The following AR variants were observed in gnomAD, a reference collection of about 807,000 sequenced individuals.
AR encodes dihydrotestosterone receptor.
AR carries 8 observed loss-of-function variants against 53.9 expected under a neutral mutation model. The observed-to-expected ratio is 0.15, with a 90% CI of 0.09 to 0.27. The LOEUF (loss-of-function observed/expected upper bound fraction) is 0.27, where lower values mean the gene tolerates loss of function less well. Ranked by LOEUF, AR falls within the 10% of genes least tolerant of loss-of-function variation. The pLI is 1.00. For synonymous variants in AR, 359 were observed against 316.4 expected (o/e 1.13, Z -1.43); for missense variants, 639 against 742.5 (o/e 0.86, Z 1.62).
intron 1 of AR, chrX:67,569,155 T>A (rs1921693541): frequency 5.5e-6 from 3 of 546,504 alleles, no homozygotes; most frequent in South Asian, 7.4e-5. Flanking sequence ...TGCTTGAATA[T>A]CTTAGCATGT....
At chrX:67,560,899 G>A (rs188941891) in intron 1 of AR, among the ~76,000 whole-genome samples, 413 of 112,091 alleles carry the variant, frequency 3.7e-3, no homozygotes, top group Middle Eastern at 9.4e-3. Flanking sequence ...ATGGTTGAAA[G>A]AATGTTGGCT....
intron 3 of AR, among the ~76,000 whole-genome samples, chrX:67,705,040 T>C (rs1386291960): frequency 8.9e-6 from 1 of 112,022 alleles, no homozygotes; most frequent in Non-Finnish European, 1.9e-5. Context: ...GCTGTTTTGG[T>C]TACTGTAGCC....
At chrX:67,710,761 A>G (rs1377156330) in intron 3 of AR, among the ~76,000 whole-genome samples, 2 of 112,162 alleles carry the variant, frequency 1.8e-5, no homozygotes, top group East Asian at 5.6e-4. Context: ...TTTTTCCCTG[A>G]ACACTCCTTG....
chrX:67,596,402 T>C (rs12009829), intron 1 of AR, among the ~76,000 whole-genome samples: 5 of 111,364 alleles, frequency 4.5e-5, no homozygotes, highest in Non-Finnish European at 7.5e-5. Flanking sequence ...ATTTCCTTTG[T>C]TTTTCAATTG....
rs777591179 is a variant in AR, at chrX:67,657,153, T to C, written c.1768+13746T>C. Among the ~76,000 whole-genome samples, 4 of 111,444 alleles carry C rather than the reference T, an allele frequency of 3.6e-5. No homozygotes were observed. The Admixed American group carries it at 3.8e-4, about 11-fold the overall frequency. ...ATTTGGTTGAAATGAATTTATTTCA[T>C]TTTTTATTCCATCCTTACAATGGAA... On this transcript the variant is annotated intron_variant, in intron 2 of 7. Transcript: ENST00000374690.
intron 2 of AR, among the ~76,000 whole-genome samples, chrX:67,681,995 G>A (rs1295342513): frequency 8.9e-6 from 1 of 111,866 alleles, no homozygotes; most frequent in Non-Finnish European, 1.9e-5. Context: ...CTCAATAGAT[G>A]CAGAAAAATA....
At chrX:67,720,515 A>G (rs1200019810) in intron 5 of AR, among the ~76,000 whole-genome samples, 1 of 111,885 alleles carries the variant, frequency 8.9e-6, no homozygotes, top group African/African-American at 3.3e-5. Flanking sequence ...GGGTCAGCCA[A>G]TCTTACTAAA....
intron 1 of AR, among the ~76,000 whole-genome samples, chrX:67,564,357 G>A (rs185916410): frequency 9.0e-6 from 1 of 111,074 alleles, no homozygotes; most frequent in African/African-American, 3.3e-5. Flanking sequence ...CATCTCCCAC[G>A]ACTCTGGAGA....
chrX:67,725,730 G>T lies in AR; in HGVS notation c.*1889G>T, dbSNP rs962213803. 5.7e-6 allele frequency: 1 copy of T among 174,045 alleles called. No individual in the cohort carries two copies. Among genetic ancestry groups the T allele is most frequent in the Non-Finnish European group, 1.1e-5 (1 of 91,501 alleles). 14.3% of individuals were successfully genotyped at this position (174,045 alleles called of 1,213,427 possible). On this transcript the variant is annotated 3_prime_UTR_variant, in exon 8 of 8. Transcript: ENST00000374690. ...TCCCCACCTTTGTTGCTGCCTCTTA[G>T]TCAGAGGGAGGCCAAACCATTGAGA...
Position 67,544,927 on chromosome X carries a change from C to A in AR, c.-220C>A. ...GAGACAGACTGTGAGCCTAGCAGGG[C>A]AGATCTTGTCCACCGTGTGTCTTCT... On this transcript the variant is annotated 5_prime_UTR_variant, in exon 1 of 8. Coordinates refer to ENST00000374690, the MANE Select transcript of AR (RefSeq NM_000044.6). The A allele has an allele frequency of 2.4e-6, 1 of 415,719 alleles. No individual in the cohort carries two copies. The highest frequency in any genetic ancestry group is 4.0e-6 in the Non-Finnish European group (1 of 247,046). 34.3% of individuals were successfully genotyped at this position (415,719 alleles called of 1,213,427 possible).
intron 2 of AR, among the ~76,000 whole-genome samples, chrX:67,652,811 G>T (rs1183920620): frequency 8.9e-6 from 1 of 111,886 alleles, no homozygotes; most frequent in Non-Finnish European, 1.9e-5. Flanking sequence ...GTAAGTTAAT[G>T]AGTAATAAAG....
intron 1 of AR, among the ~76,000 whole-genome samples, chrX:67,629,921 G>T (rs746487030): frequency 0.02 from 2,198 of 111,255 alleles, 49 homozygotes; most frequent in African/African-American, 0.068. Flanking sequence ...GGAGCAGGTT[G>T]TTCAGTTTCC....
chrX:67,601,099 A>G (rs1923331674), intron 1 of AR, among the ~76,000 whole-genome samples: 3 of 112,370 alleles, frequency 2.7e-5, no homozygotes, highest in South Asian at 7.3e-4. Flanking sequence ...AATTCTGCTT[A>G]CTTATTTCTG....
intron 3 of AR, among the ~76,000 whole-genome samples, chrX:67,708,820 G>C (rs1413995418): frequency 8.9e-6 from 1 of 111,801 alleles, no homozygotes; most frequent in African/African-American, 3.3e-5. Context: ...TGGGATTTTG[G>C]TGTGGATGTC....
At chrX:67,627,556 G>A (rs781349257) in intron 1 of AR, among the ~76,000 whole-genome samples, 122 of 111,426 alleles carry the variant, frequency 1.1e-3, no homozygotes, top group African/African-American at 3.5e-3. Flanking sequence ...AGTACGTTGC[G>A]AAAATTTTCT....
intron 1 of AR, among the ~76,000 whole-genome samples, chrX:67,604,763 C>A (rs908479257): frequency 9.0e-6 from 1 of 111,636 alleles, no homozygotes; most frequent in Non-Finnish European, 1.9e-5. Flanking sequence ...TGTTTGAAAT[C>A]CTCAAATAAA....
intron 1 of AR, among the ~76,000 whole-genome samples, chrX:67,604,198 A>ATG (rs72092334): frequency 0.35 from 26,904 of 77,796 alleles, 5,066 homozygotes; most frequent in East Asian, 0.53. Flanking sequence ...GGGGAGAAAT[A>ATG]TGTGTGTGTG....
At chrX:67,717,432 C>A (rs1422982020) in intron 4 of AR, 46 bp from the exon 5 acceptor site, 1 of 1,206,470 alleles carries the variant, frequency 8.3e-7, no homozygotes, top group Non-Finnish European at 1.1e-6. Context: ...TTAGCTCAAC[C>A]CGTCAGTACC....
intron 2 of AR, among the ~76,000 whole-genome samples, chrX:67,665,466 G>GA (rs1294981963): frequency 1.1e-4 from 12 of 111,997 alleles, no homozygotes; most frequent in African/African-American, 1.9e-4. Context: ...TGGAATCTCA[G>GA]AAAAAAACAA....
Sources: allele counts gnomAD v4.1 joint callset (sites outside exome capture counted in the v4.1 genomes callset), GRCh38; gene constraint gnomAD v4.1.1; transcripts MANE v1.5; gene names NCBI Gene and HGNC (gene_info 2026-07-23, HGNC 2026-07-21).